DCC: variants seen among roughly 807,000 people sequenced by gnomAD.
DCC encodes the protein netrin receptor DCC.
Under a neutral mutation model 172.5 loss-of-function variants are expected in DCC, and 58 were observed. The observed-to-expected ratio is 0.34, with a 90% CI of 0.27 to 0.42. The LOEUF (loss-of-function observed/expected upper bound fraction) is 0.42, where lower values mean the gene tolerates loss of function less well. Ranked by LOEUF, DCC falls within the 10% of genes least tolerant of loss-of-function variation. DCC has a pLI of 1.00. For synonymous variants in DCC, 709 were observed against 644.5 expected (o/e 1.10, Z -1.52); for missense variants, 1,740 against 1,791.0 (o/e 0.97, Z 0.51).
intron 1 of DCC, among the ~76,000 whole-genome samples, chr18:52,362,961 G>A (rs1350605970): frequency 6.6e-6 from 1 of 152,036 alleles, no homozygotes; most frequent in Non-Finnish European, 1.5e-5. Context: ...TGCAGTGGCG[G>A]GATCTCGGCT....
chr18:52,829,847 T>G (rs554983979), intron 2 of DCC, among the ~76,000 whole-genome samples: 1 of 152,226 alleles, frequency 6.6e-6, no homozygotes, highest in Non-Finnish European at 1.5e-5. Flanking sequence ...AGATAAGCAA[T>G]TCTATTACAT....
At chr18:52,907,462 G>T (rs2039905784) in intron 3 of DCC, among the ~76,000 whole-genome samples, 1 of 151,774 alleles carries the variant, frequency 6.6e-6, no homozygotes, top group African/African-American at 2.4e-5. Context: ...CTGTTGCCCA[G>T]GCTGAATGCA....
At chr18:52,784,810 A>G (rs2037622392) in intron 2 of DCC, among the ~76,000 whole-genome samples, 1 of 151,758 alleles carries the variant, frequency 6.6e-6, no homozygotes, top group African/African-American at 2.4e-5. Flanking sequence ...TCTCATGCTG[A>G]GAAAGAACTC....
At chr18:53,238,116 T>C (rs189188070) in intron 12 of DCC, among the ~76,000 whole-genome samples, 4 of 152,328 alleles carry the variant, frequency 2.6e-5, no homozygotes, top group African/African-American at 4.8e-5. Context: ...CTTGAATTTA[T>C]CTACTATATG....
chr18:53,229,079 T>C (rs557192830), intron 12 of DCC, among the ~76,000 whole-genome samples: 1 of 152,270 alleles, frequency 6.6e-6, no homozygotes, highest in East Asian at 1.9e-4. Flanking sequence ...GCCAGAAACT[T>C]AGTGTTTTCA....
At chr18:52,875,172 G>A (rs888440812) in intron 2 of DCC, among the ~76,000 whole-genome samples, 2 of 151,896 alleles carry the variant, frequency 1.3e-5, no homozygotes, top group Non-Finnish European at 2.9e-5. Context: ...ACCCAGAAAG[G>A]CTTTTCAGGA....
chr18:53,239,984 T>C (rs77843488), intron 12 of DCC, among the ~76,000 whole-genome samples: 771 of 51,566 alleles, frequency 0.015, 4 homozygotes, highest in Admixed American at 0.056. Context: ...GGTGAGAAAA[T>C]ATAAAAAAAC....
In DCC at chr18:52,596,943, G is replaced by C. The variant is rs995106304; in HGVS notation, c.92-155111G>C. Reference sequence around the variant, plus strand: ...TTCGCTTTCCTTGCTTGGATATTTTGTGAGCATCTGACCAGTACATTCAGC... The same window carrying C: ...TTCGCTTTCCTTGCTTGGATATTTTCTGAGCATCTGACCAGTACATTCAGC... On this transcript the variant is annotated intron_variant, in intron 1 of 28. Transcript: ENST00000442544. Among the ~76,000 whole-genome samples the C allele has an allele frequency of 2.6e-5, 4 of 152,054 alleles. No homozygotes were observed. The East Asian group carries it at 7.7e-4, about 29-fold the overall frequency.
At chr18:53,171,349 G>C (rs1027177567) in intron 8 of DCC, among the ~76,000 whole-genome samples, 2 of 152,180 alleles carry the variant, frequency 1.3e-5, no homozygotes, top group Admixed American at 6.5e-5. Context: ...GTGATCAGAG[G>C]TTGAACCATA....
chr18:52,396,476 GA>G (rs1224048226), intron 1 of DCC, among the ~76,000 whole-genome samples: 1 of 152,028 alleles, frequency 6.6e-6, no homozygotes, highest in African/African-American at 2.4e-5. Context: ...CTTTATGGGG[GA>G]AACCTAGAGG....
intron 1 of DCC, among the ~76,000 whole-genome samples, chr18:52,602,850 T>A (rs898212483): frequency 6.6e-6 from 1 of 152,102 alleles, no homozygotes; most frequent in Non-Finnish European, 1.5e-5. Flanking sequence ...TTAAAATTGC[T>A]TTGCACAATT....
chr18:53,494,103 G>T (rs1040417987), intron 26 of DCC, among the ~76,000 whole-genome samples: 1 of 152,174 alleles, frequency 6.6e-6, no homozygotes, highest in East Asian at 1.9e-4. Context: ...TCATTCAGGA[G>T]CAGGTTGTTC....
chr18:53,419,637 G>A (rs117123138), intron 21 of DCC, among the ~76,000 whole-genome samples: 15 of 152,158 alleles, frequency 9.9e-5, no homozygotes, highest in Non-Finnish European at 2.2e-4. Flanking sequence ...GCTCTTGCCA[G>A]CAGTCACTGT....
At chr18:52,699,270 C>A (rs2036065228) in intron 1 of DCC, among the ~76,000 whole-genome samples, 2 of 152,140 alleles carry the variant, frequency 1.3e-5, no homozygotes, top group Admixed American at 1.3e-4. Context: ...GGGCTGGGAC[C>A]ATCCCCCTGA....
intron 5 of DCC, among the ~76,000 whole-genome samples, chr18:52,929,493 A>G (rs139808109): frequency 1.3e-4 from 20 of 152,278 alleles, no homozygotes; most frequent in Non-Finnish European, 2.4e-4. Context: ...GATCTTGACA[A>G]AGCAGAAAGG....
chr18:53,141,961 T>G (rs940690151), intron 7 of DCC, among the ~76,000 whole-genome samples: 1 of 152,206 alleles, frequency 6.6e-6, no homozygotes, highest in Non-Finnish European at 1.5e-5. Context: ...CTGTCCAACA[T>G]GTTGAATTCC....
chr18:53,128,826 CACAT>C (rs201299988), intron 7 of DCC, among the ~76,000 whole-genome samples: 2 of 93,234 alleles, frequency 2.1e-5, no homozygotes, highest in African/African-American at 8.7e-5. Context: ...TATGTGTATA[CACAT>C]ACACACACAC....
At chr18:53,365,268 G>A (rs1394269767) in intron 15 of DCC, among the ~76,000 whole-genome samples, 3 of 133,928 alleles carry the variant, frequency 2.2e-5, no homozygotes, top group African/African-American at 8.6e-5. Flanking sequence ...TCTTTTTAAG[G>A]CTGCATAGTA....
chr18:53,189,008 G>T (rs148666288), intron 9 of DCC, among the ~76,000 whole-genome samples: 280 of 152,146 alleles, frequency 1.8e-3, no homozygotes, highest in African/African-American at 6.5e-3. Flanking sequence ...ACATTCTGAG[G>T]TTCTGGGTGT....
Sources: gnomAD v4.1 joint callset for allele counts (sites outside exome capture counted in the v4.1 genomes callset) on GRCh38, gnomAD v4.1.1 for gene constraint, MANE v1.5 for transcripts, NCBI Gene and HGNC (gene_info 2026-07-23, HGNC 2026-07-21) for gene names.